Variants in UGT1A10 observed in about 807,000 individuals in gnomAD.
UGT1A10 encodes the protein UDP glucuronosyltransferase family 1 member A10.
Under a neutral mutation model 45.8 loss-of-function variants are expected in UGT1A10, and 49 were observed. That is an observed-to-expected ratio of 1.07 (90% CI 0.85 to 1.36). The LOEUF (loss-of-function observed/expected upper bound fraction) is 1.36, where lower values mean the gene tolerates loss of function less well. Among genes scored for constraint, UGT1A10 ranks in the 40% most tolerant of loss-of-function variants. The pLI, the probability that UGT1A10 is intolerant of heterozygous loss-of-function variation, is 0.00. For missense variants in UGT1A10, 745 were observed against 668.6 expected (o/e 1.11, Z -1.26); for synonymous variants, 284 against 249.7 (o/e 1.14, Z -1.29).
intron 1 of UGT1A10, among the ~76,000 whole-genome samples, chr2:233,700,949 T>G (rs537034849): frequency 2.1e-4 from 32 of 150,414 alleles, no homozygotes; most frequent in African/African-American, 7.3e-4. Context: ...AATTCCCACC[T>G]ATGAGTGAGA....
chr2:233,713,462 C>G (rs146711966), intron 1 of UGT1A10: 1 of 1,614,090 alleles, frequency 6.2e-7, no homozygotes, highest in Admixed American at 1.7e-5. Flanking sequence ...TTCACCTCTG[C>G]GCGGCGGTGC....
At chr2:233,724,619 C>A (rs2077290333) in intron 1 of UGT1A10, among the ~76,000 whole-genome samples, 1 of 138,420 alleles carries the variant, frequency 7.2e-6, no homozygotes, top group East Asian at 2.3e-4. Flanking sequence ...GGCAGAGACG[C>A]TCCTCACTTC....
At chr2:233,742,365 T>C (rs879560468) in intron 1 of UGT1A10, among the ~76,000 whole-genome samples, 1 of 151,994 alleles carries the variant, frequency 6.6e-6, no homozygotes, top group African/African-American at 2.4e-5. Flanking sequence ...AGCAGAAACA[T>C]GTCCTTAAGG....
At chr2:233,755,117 C>T (rs1274976698) in intron 1 of UGT1A10, 1 of 1,330,518 alleles carries the variant, frequency 7.5e-7, no homozygotes, top group Admixed American at 1.9e-5. Flanking sequence ...CCTCGTAGGC[C>T]TCAGCCACCT....
intron 1 of UGT1A10, among the ~76,000 whole-genome samples, chr2:233,705,628 G>T (rs1440329298): frequency 6.6e-6 from 1 of 152,194 alleles, no homozygotes; most frequent in Non-Finnish European, 1.5e-5. Context: ...TGAGTTGACA[G>T]TTCTAGGAAG....
intron 1 of UGT1A10, among the ~76,000 whole-genome samples, chr2:233,763,609 C>T (rs1698356254): frequency 6.6e-6 from 1 of 152,206 alleles, no homozygotes; most frequent in Non-Finnish European, 1.5e-5. Context: ...TGCCACTCTG[C>T]ACTACCATTC....
chr2:233,637,567 G>A (rs1254309427), intron 1 of UGT1A10, among the ~76,000 whole-genome samples, 190 bp downstream of exon 1: 36 of 151,998 alleles, frequency 2.4e-4, no homozygotes, highest in Non-Finnish European at 1.5e-5. Flanking sequence ...CTTCTTGAAA[G>A]TATATGTAAT....
At chr2:233,747,897 G>T in intron 1 of UGT1A10, 2 of 1,613,482 alleles carry the variant, frequency 1.2e-6, no homozygotes, top group Non-Finnish European at 1.7e-6. Flanking sequence ...TGCTCTTTCT[G>T]CTCCTTATGC....
chr2:233,768,262 A>G lies in UGT1A10; in HGVS notation c.1118A>G (p.His373Arg), dbSNP rs1349037761. The change falls in exon 4 of 5, where the codon CAT becomes CGT. Residue 373 changes from histidine to arginine, a missense_variant. Physicochemically the swap from His to Arg is conservative, Grantham distance 29. Coordinates refer to ENST00000344644, the MANE Select transcript of UGT1A10 (RefSeq NM_019075.4). ...GCCTTTATCACCCATGCTGGTTCCC[A>G]TGGTGTTTATGAAAGCATATGCAAT... Reference protein sequence around the residue: ...TRAFITHAGSHGVYESICNGV... With the variant: ...TRAFITHAGSRGVYESICNGV... 1 of 1,614,138 alleles carries G rather than the reference A, an allele frequency of 6.2e-7. No individual in the cohort carries two copies. Among genetic ancestry groups the G allele is most frequent in the Non-Finnish European group, 8.5e-7 (1 of 1,180,018 alleles).
intron 1 of UGT1A10, chr2:233,717,654 A>G (rs1175900251): frequency 1.5e-5 from 6 of 405,858 alleles, no homozygotes; most frequent in Admixed American, 1.3e-4. Flanking sequence ...CAGGACAAGG[A>G]AGCATCAGCA....
chr2:233,656,793 G>A (rs1380587604), intron 1 of UGT1A10, among the ~76,000 whole-genome samples: 2 of 152,134 alleles, frequency 1.3e-5, no homozygotes, highest in Non-Finnish European at 2.9e-5. Context: ...AGGAGGGTTC[G>A]ATTCACTTGT....
chr2:233,731,735 C>T (rs574748193), intron 1 of UGT1A10, among the ~76,000 whole-genome samples: 1 of 152,288 alleles, frequency 6.6e-6, no homozygotes, highest in East Asian at 1.9e-4. Flanking sequence ...AATAGTGCCA[C>T]AATAAACATA....
intron 1 of UGT1A10, among the ~76,000 whole-genome samples, chr2:233,722,617 C>G (rs1215514710): frequency 6.6e-6 from 1 of 152,088 alleles, no homozygotes; most frequent in African/African-American, 2.4e-5. Context: ...TTTGATTTTT[C>G]TTAATGAAGC....
intron 1 of UGT1A10, among the ~76,000 whole-genome samples, chr2:233,650,583 G>A (rs920336285): frequency 2.0e-5 from 3 of 152,120 alleles, no homozygotes; most frequent in African/African-American, 7.2e-5. Flanking sequence ...TTACTCATTT[G>A]TAAACTGCAA....
At chr2:233,730,798 G>T (rs772379862) in intron 1 of UGT1A10, among the ~76,000 whole-genome samples, 4 of 152,122 alleles carry the variant, frequency 2.6e-5, no homozygotes, top group Non-Finnish European at 5.9e-5. Flanking sequence ...AGTGATGAAT[G>T]GACATGCGTC....
chr2:233,762,139 G>C (rs983754711), intron 1 of UGT1A10, among the ~76,000 whole-genome samples: 1 of 152,114 alleles, frequency 6.6e-6, no homozygotes, highest in African/African-American at 2.4e-5. Context: ...GGACCTGTGT[G>C]ACTTTGCATT....
At chr2:233,761,013 G>A in intron 1 of UGT1A10, 1 of 1,614,176 alleles carries the variant, frequency 6.2e-7, no homozygotes, top group Non-Finnish European at 8.5e-7. Flanking sequence ...AGAGAGAGGT[G>A]ACTGTCCAGG....
intron 1 of UGT1A10, chr2:233,713,149 C>A (rs777655753): frequency 1.2e-6 from 2 of 1,614,172 alleles, no homozygotes; most frequent in Admixed American, 1.7e-5. Flanking sequence ...GACCTCCATG[C>A]GAGAGGCCAC....
intron 4 of UGT1A10, among the ~76,000 whole-genome samples, chr2:233,768,959 C>T (rs1259546166): frequency 6.6e-6 from 1 of 152,056 alleles, no homozygotes; most frequent in African/African-American, 2.4e-5. Flanking sequence ...TATAATTTAT[C>T]ATATAATTTA....
Sources: allele counts gnomAD v4.1 joint callset (sites outside exome capture counted in the v4.1 genomes callset), GRCh38; gene constraint gnomAD v4.1.1; transcripts MANE v1.5; gene names NCBI Gene and HGNC (gene_info 2026-07-23, HGNC 2026-07-21).